The following PPARG variants were observed in gnomAD, a reference collection of about 807,000 sequenced individuals.
The protein encoded by PPARG is peroxisome proliferator-activated receptor gamma.
PPARG carries 17 observed loss-of-function variants against 39.2 expected under a neutral mutation model. The ratio of observed to expected loss-of-function variants is 0.43; its 90% CI spans 0.30 to 0.65. The LOEUF (loss-of-function observed/expected upper bound fraction) is 0.65, where lower values mean the gene tolerates loss of function less well. Ranked by LOEUF, PPARG falls within the 30% of genes least tolerant of loss-of-function variation. The probability of loss-of-function intolerance (pLI) is 0.13; values close to 1 mark genes in which losing one functional copy is unlikely to be tolerated. For synonymous variants in PPARG, 223 were observed against 215.7 expected (o/e 1.03, Z -0.30); for missense variants, 406 against 585.9 (o/e 0.69, Z 3.17).
chr3:12,312,181 A>G (rs952168898), intron 1 of PPARG, among the ~76,000 whole-genome samples, 199 bp from the exon 2 acceptor site: 29 of 152,262 alleles, frequency 1.9e-4, no homozygotes, highest in African/African-American at 7.0e-4. Flanking sequence ...TTTATGATGA[A>G]TCATTTTGTG....
At chr3:12,346,595 C>A (rs562816162) in intron 2 of PPARG, among the ~76,000 whole-genome samples, 3 of 151,974 alleles carry the variant, frequency 2.0e-5, no homozygotes, top group Admixed American at 2.0e-4. Flanking sequence ...GTTAAGAAGA[C>A]CTTTTTTTTT....
At chr3:12,309,807 A>C (rs58581416) in intron 1 of PPARG, among the ~76,000 whole-genome samples, 13,196 of 152,196 alleles carry the variant, frequency 0.087, 728 homozygotes, top group Admixed American at 0.17. Flanking sequence ...AGGTTCTGGT[A>C]AAAATCCCAT....
intron 2 of PPARG, among the ~76,000 whole-genome samples, chr3:12,348,815 G>A (rs190572423): frequency 6.6e-6 from 1 of 152,284 alleles, no homozygotes; most frequent in East Asian, 1.9e-4. Context: ...CAACCCATTG[G>A]TGTACAAAGC....
chr3:12,307,322 T>A (rs766542466), intron 1 of PPARG, among the ~76,000 whole-genome samples: 4 of 152,080 alleles, frequency 2.6e-5, no homozygotes, highest in Admixed American at 6.5e-5. Flanking sequence ...ATGGTGGGGT[T>A]AGGGGACAGA....
chr3:12,413,978 T>C (rs902745303), intron 6 of PPARG, among the ~76,000 whole-genome samples: 1 of 152,030 alleles, frequency 6.6e-6, no homozygotes, highest in African/African-American at 2.4e-5. Flanking sequence ...ATTAGCAGGA[T>C]TTTGTGCCCT....
chr3:12,314,154 A>G (rs2047325833), intron 2 of PPARG, among the ~76,000 whole-genome samples: 2 of 152,134 alleles, frequency 1.3e-5, no homozygotes, highest in South Asian at 4.1e-4. Flanking sequence ...GCGGATGCCC[A>G]TAATCCCAGC....
chr3:12,397,159 G>C (rs2125228239), intron 5 of PPARG, among the ~76,000 whole-genome samples: 1 of 151,566 alleles, frequency 6.6e-6, no homozygotes, highest in South Asian at 2.1e-4. Flanking sequence ...ATATAAATGA[G>C]AGAGAGTTTG....
chr3:12,412,703 T>G (rs1042435016), intron 6 of PPARG, among the ~76,000 whole-genome samples: 3 of 152,216 alleles, frequency 2.0e-5, no homozygotes, highest in African/African-American at 7.2e-5. Flanking sequence ...CCTTCCCTTG[T>G]GCAGAAGTCC....
intron 1 of PPARG, among the ~76,000 whole-genome samples, chr3:12,310,022 T>G (rs35000407): frequency 0.09 from 13,642 of 152,226 alleles, 762 homozygotes; most frequent in Non-Finnish European, 0.13. Context: ...ACGGCAATCC[T>G]TGGTGTCTAC....
intron 2 of PPARG, among the ~76,000 whole-genome samples, chr3:12,364,525 G>GT (rs1203076773): frequency 6.6e-6 from 1 of 152,142 alleles, no homozygotes; most frequent in Non-Finnish European, 1.5e-5. Context: ...CTGTGTGTGG[G>GT]TTTTTTGTGG....
intron 1 of PPARG, among the ~76,000 whole-genome samples, chr3:12,299,329 T>C (rs1308137715): frequency 6.6e-6 from 1 of 152,042 alleles, no homozygotes. Flanking sequence ...AGGGGGTGAA[T>C]GGGCCTGTGT....
At chr3:12,382,302 C>A (rs190810038) in intron 4 of PPARG, among the ~76,000 whole-genome samples, 1 of 152,070 alleles carries the variant, frequency 6.6e-6, no homozygotes, top group African/African-American at 2.4e-5. Flanking sequence ...AAAATTCAGA[C>A]GTTTAGTAAT....
Position 12,330,354 on chromosome 3 carries a change from A to C in PPARG, c.-9+17901A>C, listed in dbSNP as rs147964516. 1.3e-3 allele frequency among the ~76,000 whole-genome samples: 188 copies of C among 146,304 alleles called. 2 individuals are homozygous for C. The East Asian group carries it at 0.035, about 27-fold the overall frequency. On this transcript the variant is annotated intron_variant, in intron 2 of 7. Coordinates refer to ENST00000651735, the MANE Select transcript of PPARG (RefSeq NM_138711.6). ...CCTATTAGGTGTCAAGTGTTATCTCATTGTGGTTTTGATTTGCATTTTCCT... is the reference window on the plus strand; with the variant it reads ...CCTATTAGGTGTCAAGTGTTATCTCCTTGTGGTTTTGATTTGCATTTTCCT...
At chr3:12,397,037 A>G (rs1221597272) in intron 5 of PPARG, among the ~76,000 whole-genome samples, 1 of 152,148 alleles carries the variant, frequency 6.6e-6, no homozygotes, top group Non-Finnish European at 1.5e-5. Context: ...CATGTTATTT[A>G]TGAATCATTC....
At chr3:12,385,472 C>T (rs1263992430) in intron 4 of PPARG, among the ~76,000 whole-genome samples, 2 of 152,028 alleles carry the variant, frequency 1.3e-5, no homozygotes, top group African/African-American at 2.4e-5. Context: ...AAAATAAAAC[C>T]TTTAGCAACT....
chr3:12,425,748 A>T (rs1244918010), intron 7 of PPARG, among the ~76,000 whole-genome samples: 9 of 152,168 alleles, frequency 5.9e-5, no homozygotes, highest in Non-Finnish European at 8.8e-5. Context: ...GGTCCTGACA[A>T]AAAGGTGGGG....
At chr3:12,386,038 G>A (rs1374968905) in intron 4 of PPARG, among the ~76,000 whole-genome samples, 2 of 152,118 alleles carry the variant, frequency 1.3e-5, no homozygotes, top group African/African-American at 4.8e-5. Context: ...TTTCTCAGAT[G>A]GTGACTGATG....
chr3:12,343,065 G>A (rs1419126720), intron 2 of PPARG, among the ~76,000 whole-genome samples: 5 of 152,114 alleles, frequency 3.3e-5, no homozygotes, highest in African/African-American at 1.2e-4. Flanking sequence ...TTAATGATGT[G>A]CACACAGAAC....
At chr3:12,320,748 C>T (rs1451256513) in intron 2 of PPARG, among the ~76,000 whole-genome samples, 2 of 152,164 alleles carry the variant, frequency 1.3e-5, no homozygotes, top group Non-Finnish European at 2.9e-5. Flanking sequence ...AGCATGGTGG[C>T]GCCCGCCAGT....
Sources: gnomAD v4.1 joint callset for allele counts (sites outside exome capture counted in the v4.1 genomes callset) on GRCh38, gnomAD v4.1.1 for gene constraint, MANE v1.5 for transcripts, NCBI Gene and HGNC (gene_info 2026-07-23, HGNC 2026-07-21) for gene names.